The following KLRG1 variants were observed in gnomAD, a reference collection of about 807,000 sequenced individuals.
The protein encoded by KLRG1 is killer cell lectin-like receptor subfamily G member 1.
KLRG1 carries 16 observed loss-of-function variants against 21.8 expected under a neutral mutation model. The observed-to-expected ratio is 0.73, with a 90% CI of 0.50 to 1.11. KLRG1 has a LOEUF of 1.11. Ranked by LOEUF, KLRG1 falls within the 50% of genes most tolerant of loss-of-function variation. The pLI, the probability that KLRG1 is intolerant of heterozygous loss-of-function variation, is 0.00. For synonymous variants in KLRG1, 69 were observed against 75.9 expected (o/e 0.91, Z 0.47); for missense variants, 173 against 218.3 (o/e 0.79, Z 1.31).
the KLRG1 span, chr12:9,074,578 G>T: frequency 6.2e-7 from 1 of 1,611,672 alleles, no homozygotes. Flanking sequence ...AGGAGAAACC[G>T]CCCTGGGCAT....
At chr12:8,963,476 G>A (rs1295777176) in intron 1 of KLRG1, among the ~76,000 whole-genome samples, 2 of 152,180 alleles carry the variant, frequency 1.3e-5, no homozygotes, top group Non-Finnish European at 2.9e-5. Flanking sequence ...GTTCATCAAG[G>A]ATATTGGTCT....
chr12:9,212,748 A>AC, the KLRG1 span, among the ~76,000 whole-genome samples: 1 of 151,888 alleles, frequency 6.6e-6, no homozygotes, highest in African/African-American at 2.4e-5. Context: ...GAAAAAAAAA[A>AC]CCAGTAAATT....
intron 3 of KLRG1, among the ~76,000 whole-genome samples, chr12:9,005,934 G>A (rs777430781): frequency 1.3e-5 from 2 of 152,228 alleles, no homozygotes; most frequent in Non-Finnish European, 2.9e-5. Context: ...CCGCCTAGCC[G>A]CTCACCTCCT....
downstream of KLRG1, among the ~76,000 whole-genome samples, chr12:9,012,993 T>G (rs769141674): frequency 1.3e-5 from 2 of 152,278 alleles, no homozygotes; most frequent in East Asian, 3.9e-4. Flanking sequence ...AAGCTCCAGA[T>G]AGCTCAGTAT....
the KLRG1 span, among the ~76,000 whole-genome samples, chr12:9,092,017 T>G: frequency 2.0e-5 from 3 of 152,216 alleles, no homozygotes; most frequent in South Asian, 4.1e-4. Context: ...ACTGAAAAAT[T>G]AGCTAACAGC....
chr12:9,068,332 C>G, the KLRG1 span: 2 of 1,111,988 alleles, frequency 1.8e-6, no homozygotes, highest in South Asian at 2.9e-5. Context: ...GTGGGAAGAA[C>G]AGTATTGTAC....
At chr12:9,202,270 A>T in the KLRG1 span, 1 of 1,458,960 alleles carries the variant, frequency 6.9e-7, no homozygotes, top group African/African-American at 1.4e-5. Context: ...ACTCTGGGTG[A>T]GTATTCCCAC....
the KLRG1 span, among the ~76,000 whole-genome samples, chr12:9,190,084 C>T: frequency 2.0e-5 from 3 of 151,950 alleles, no homozygotes; most frequent in South Asian, 2.1e-4. Context: ...AGCAGTGTGG[C>T]GATTCCTCAA....
chr12:8,995,359 A>G (rs767212105), intron 3 of KLRG1, 71 bp downstream of exon 3: 3 of 1,308,290 alleles, frequency 2.3e-6, no homozygotes, highest in South Asian at 2.7e-5. Context: ...CTGCTATTTA[A>G]ATGTATCATG....
At chr12:9,160,899 AG>A in the KLRG1 span, 2 of 769,922 alleles carry the variant, frequency 2.6e-6, no homozygotes, top group Non-Finnish European at 4.4e-6. Flanking sequence ...TGGGCGACAG[AG>A]CGAGACTCCA....
At chr12:9,027,582 C>A in the KLRG1 span, 4 of 930,986 alleles carry the variant, frequency 4.3e-6, no homozygotes, top group South Asian at 3.9e-5. Flanking sequence ...ACCATAGGCA[C>A]CTTGGTTTCG....
At chr12:9,074,807 T>C in the KLRG1 span, 6 of 1,571,520 alleles carry the variant, frequency 3.8e-6, no homozygotes, top group East Asian at 1.4e-4. Flanking sequence ...AAAAGATATT[T>C]ATAAGTGCCT....
chr12:9,197,610 TTA>T, the KLRG1 span, among the ~76,000 whole-genome samples: 5 of 98,234 alleles, frequency 5.1e-5, no homozygotes, highest in East Asian at 5.2e-4. Context: ...ATAATATATA[TTA>T]TATATTTATA....
chr12:9,192,362 AT>A, the KLRG1 span: 1 of 1,319,006 alleles, frequency 7.6e-7, no homozygotes, highest in South Asian at 1.2e-5. Context: ...GCTGGAGAGA[AT>A]CAACCTCAAG....
the KLRG1 span, among the ~76,000 whole-genome samples, chr12:9,031,120 C>T: frequency 1.3e-5 from 2 of 152,166 alleles, no homozygotes; most frequent in African/African-American, 4.8e-5. Flanking sequence ...GGTGAGGGCT[C>T]AACCCCTCAG....
At chr12:9,043,579 T>G in the KLRG1 span, among the ~76,000 whole-genome samples, 2 of 152,300 alleles carry the variant, frequency 1.3e-5, no homozygotes, top group Admixed American at 1.3e-4. Flanking sequence ...GAGATGAAAT[T>G]TGTGGCCAAA....
chr12:8,973,385 G>T (rs1032175289), intron 1 of KLRG1, among the ~76,000 whole-genome samples: 9 of 152,070 alleles, frequency 5.9e-5, no homozygotes, highest in Non-Finnish European at 1.0e-4. Context: ...TTGCCCTCAT[G>T]AATGGAATTC....
At chr12:9,033,580 T>G in the KLRG1 span, among the ~76,000 whole-genome samples, 1 of 152,216 alleles carries the variant, frequency 6.6e-6, no homozygotes, top group East Asian at 1.9e-4. Context: ...GCTCTATGCT[T>G]GCTCAGCTAT....
At chr12:8,954,850 A>G (rs1242627338) in intron 1 of KLRG1, among the ~76,000 whole-genome samples, 1 of 152,184 alleles carries the variant, frequency 6.6e-6, no homozygotes, top group Non-Finnish European at 1.5e-5. Flanking sequence ...TAAGAGTTCC[A>G]TATTTGTTTA....
Sources: gnomAD v4.1 joint callset for allele counts (sites outside exome capture counted in the v4.1 genomes callset) on GRCh38, gnomAD v4.1.1 for gene constraint, MANE v1.5 for transcripts, NCBI Gene and HGNC (gene_info 2026-07-23, HGNC 2026-07-21) for gene names.